The following RALGPS2 variants were observed in gnomAD, a reference collection of about 807,000 sequenced individuals.
RALGPS2 encodes Ral GEF with PH domain and SH3 binding motif 2.
In RALGPS2, 43 loss-of-function variants were observed where a neutral mutation model predicts 86.8. That is an observed-to-expected ratio of 0.50 (90% CI 0.39 to 0.64). RALGPS2 has a LOEUF of 0.64. Among genes scored for constraint, RALGPS2 ranks in the 30% least tolerant of loss-of-function variants. The pLI is 0.00. For synonymous variants in RALGPS2, 243 were observed against 231.3 expected (o/e 1.05, Z -0.46); for missense variants, 536 against 694.6 (o/e 0.77, Z 2.57).
intron 2 of RALGPS2, among the ~76,000 whole-genome samples, chr1:178,783,963 G>A (rs1024422269): frequency 1.3e-5 from 2 of 152,044 alleles, no homozygotes; most frequent in Admixed American, 1.3e-4. Context: ...ACTAAGAATG[G>A]ATTATATGTA....
At chr1:178,909,517 G>T (rs552282859) in intron 19 of RALGPS2, among the ~76,000 whole-genome samples, 49 of 152,056 alleles carry the variant, frequency 3.2e-4, no homozygotes, top group Middle Eastern at 6.8e-3. Flanking sequence ...CTGTAGGTTG[G>T]TTTGGACAAT....
intron 5 of RALGPS2, among the ~76,000 whole-genome samples, chr1:178,810,373 C>G (rs1654918797): frequency 6.6e-6 from 1 of 152,090 alleles, no homozygotes. Flanking sequence ...GGCAACAGAA[C>G]AAGACTCTGT....
chr1:178,747,672 A>T, intron 1 of RALGPS2: 1 of 1,513,742 alleles, frequency 6.6e-7, no homozygotes, highest in South Asian at 1.1e-5. Context: ...GCAGTTTAAC[A>T]CAACTGTGAT....
intron 18 of RALGPS2, among the ~76,000 whole-genome samples, chr1:178,903,038 CA>C (rs1660242886): frequency 6.6e-6 from 1 of 152,088 alleles, no homozygotes; most frequent in African/African-American, 2.4e-5. Context: ...GTGGATACCT[CA>C]AGGCTCATCA....
At position 178,852,602 on chromosome 1, in the gene RALGPS2, T is replaced by C. The variant is rs138794873; in HGVS notation, c.607+19052T>C. 21 of 1,446,632 alleles carry C rather than the reference T, an allele frequency of 1.5e-5. No homozygotes were observed. In the East Asian group the frequency reaches 3.9e-4, roughly 27 times the overall value. 89.6% of individuals were successfully genotyped at this position (1,446,632 alleles called of 1,614,324 possible). A position where few individuals can be genotyped will look rare whatever the true frequency, so the allele number is the denominator to read the frequency against. On this transcript the variant is annotated intron_variant, in intron 8 of 19. Coordinates refer to ENST00000367635, the MANE Select transcript of RALGPS2 (RefSeq NM_152663.5). ...AAAACTGACCTTTTTGAAAAGACTT[T>C]AGTAGCATATATATTAGTAGATTCT...
intron 8 of RALGPS2, among the ~76,000 whole-genome samples, chr1:178,870,518 A>G (rs1276088669): frequency 6.6e-6 from 1 of 152,208 alleles, no homozygotes; most frequent in Non-Finnish European, 1.5e-5. Flanking sequence ...AATCATATAC[A>G]CTAAACATCA....
intron 7 of RALGPS2, among the ~76,000 whole-genome samples, 161 bp from the exon 8 acceptor site, chr1:178,833,263 A>G (rs932775733): frequency 3.9e-5 from 6 of 152,106 alleles, no homozygotes; most frequent in Admixed American, 3.9e-4. Context: ...TTAATAGACA[A>G]ATCTGATTTT....
In RALGPS2 at chr1:178,808,032, C is replaced by T. The variant is rs773871887; in HGVS notation, c.214-13C>T. ...GCTATTACTTAAATTTAATTTTCAC[C>T]TTAATTTTCCAGGAGCTTTCAAGTT... is the stretch of plus-strand genomic sequence containing the variant. On this transcript the variant is annotated splice_polypyrimidine_tract_variant and intron_variant, in intron 4 of 19. Transcript: ENST00000367635. The T allele has an allele frequency of 8.9e-6, 14 of 1,572,264 alleles. No homozygotes were observed. Among genetic ancestry groups the T allele is most frequent in the Admixed American group, 6.7e-5 (4 of 59,426 alleles).
At chr1:178,795,884 A>G (rs949642902) in intron 4 of RALGPS2, among the ~76,000 whole-genome samples, 3 of 152,214 alleles carry the variant, frequency 2.0e-5, no homozygotes, top group African/African-American at 7.2e-5. Flanking sequence ...TTTAATGAAA[A>G]TTAATCATTT....
intron 8 of RALGPS2, among the ~76,000 whole-genome samples, chr1:178,875,702 C>T (rs567490023): frequency 1.2e-4 from 18 of 151,644 alleles, no homozygotes; most frequent in South Asian, 4.2e-4. Flanking sequence ...GAGCCGAGAT[C>T]GCACCACTGC....
At chr1:178,817,666 C>T (rs1272086727) in intron 6 of RALGPS2, among the ~76,000 whole-genome samples, 1 of 152,110 alleles carries the variant, frequency 6.6e-6, no homozygotes, top group Non-Finnish European at 1.5e-5. Flanking sequence ...GGCCTGCTTC[C>T]ATTTTTGATT....
intron 16 of RALGPS2, 27 bp from the exon 17 acceptor site, chr1:178,897,637 G>C: frequency 6.5e-7 from 1 of 1,542,400 alleles, no homozygotes. Flanking sequence ...CATTGTAATA[G>C]TATATTCCTG....
intron 18 of RALGPS2, among the ~76,000 whole-genome samples, chr1:178,905,242 C>T (rs887426557): frequency 2.6e-5 from 4 of 152,148 alleles, no homozygotes; most frequent in Non-Finnish European, 4.4e-5. Context: ...GCATAATTCA[C>T]GAAATTACAT....
intron 1 of RALGPS2, among the ~76,000 whole-genome samples, chr1:178,770,207 T>C (rs754800427): frequency 1.1e-4 from 17 of 151,736 alleles, no homozygotes; most frequent in Admixed American, 2.6e-4. Flanking sequence ...TTTTTAGAGA[T>C]AGGATTTTAC....
chr1:178,885,900 TTTA>T, intron 12 of RALGPS2, 66 bp from the exon 13 acceptor site: 6 of 1,313,126 alleles, frequency 4.6e-6, no homozygotes, highest in Non-Finnish European at 6.2e-6. Flanking sequence ...GTCCTAAATC[TTTA>T]TATAAAGAGC....
chr1:178,809,885 C>G (rs1654895078), intron 5 of RALGPS2, among the ~76,000 whole-genome samples: 1 of 152,090 alleles, frequency 6.6e-6, no homozygotes, highest in Non-Finnish European at 1.5e-5. Context: ...TGCCCAGATT[C>G]AGTAAGAAGT....
At position 178,916,525 on chromosome 1, in the gene RALGPS2, A is replaced by T; in HGVS notation, c.*166A>T. ...AGCACTAATTTCAGGGAATGATTTG[A>T]GATATTCCCAGAGAACAAATTGGAG... On this transcript the variant is annotated 3_prime_UTR_variant, in exon 20 of 20. Transcript: ENST00000367635. 1.7e-6 allele frequency: 1 copy of T among 602,026 alleles called. No homozygotes were observed. The highest frequency in any genetic ancestry group is 3.4e-5 in the Admixed American group (1 of 29,314). The allele number at this position is 602,026 out of a possible 1,614,324, so 37.3% of individuals were successfully genotyped here.
intron 11 of RALGPS2, 50 bp from the exon 12 acceptor site, chr1:178,885,026 A>G: frequency 6.7e-7 from 1 of 1,491,796 alleles, no homozygotes; most frequent in African/African-American, 1.4e-5. Context: ...CTTTCAAGGG[A>G]CTGAAAAATA....
At chr1:178,888,861 C>T (rs1253231431) in intron 13 of RALGPS2, among the ~76,000 whole-genome samples, 1 of 152,002 alleles carries the variant, frequency 6.6e-6, no homozygotes, top group African/African-American at 2.4e-5. Context: ...CTCTCAGAAC[C>T]CTGCCCGTAA....
Sources: gnomAD v4.1 joint callset for allele counts (sites outside exome capture counted in the v4.1 genomes callset) on GRCh38, gnomAD v4.1.1 for gene constraint, MANE v1.5 for transcripts, NCBI Gene and HGNC (gene_info 2026-07-23, HGNC 2026-07-21) for gene names.